Variants in MAP2K5 observed in about 807,000 individuals in gnomAD.
MAP2K5 encodes mitogen-activated protein kinase kinase 5.
Under a neutral mutation model 83.1 loss-of-function variants are expected in MAP2K5, and 49 were observed. The ratio of observed to expected loss-of-function variants is 0.59; its 90% confidence interval spans 0.47 to 0.75. MAP2K5 has a LOEUF of 0.75. Among genes scored for constraint, MAP2K5 ranks in the 30% least tolerant of loss-of-function variants. MAP2K5 has a pLI of 0.00. For missense variants in MAP2K5, 457 were observed against 557.5 expected (o/e 0.82, Z 1.82); for synonymous variants, 202 against 191.8 (o/e 1.05, Z -0.44).
Position 67,782,512 on chromosome 15 carries a change from G to A in MAP2K5, c.1242+9760G>A, listed in dbSNP as rs1469437691. 1.3e-5 allele frequency among the ~76,000 whole-genome samples: 2 copies of A among 151,830 alleles called. No individual in the cohort carries two copies. The highest frequency in any genetic ancestry group is 3.2e-3 in the Middle Eastern group (1 of 316). ...GATTTTAGTTAATTTTTTTTTCAGCGCCTCACAGTAGGCGCCTCTCTTCTC... is the reference window on the plus strand; with the variant it reads ...GATTTTAGTTAATTTTTTTTTCAGCACCTCACAGTAGGCGCCTCTCTTCTC... On this transcript the variant is annotated intron_variant, in intron 21 of 21. Transcript: ENST00000178640. This position sits in a 1 kb window ranked among gnomAD's most constrained non-coding sequence, Gnocchi z 4.9.
At position 67,779,101 on chromosome 15, in the gene MAP2K5, A is replaced by G. The variant is rs1000779222; in HGVS notation, c.1242+6349A>G. Among the ~76,000 whole-genome samples the G allele has an allele frequency of 1.3e-5, 2 of 152,236 alleles. No individual in the cohort carries two copies. The highest frequency in any genetic ancestry group is 2.4e-5 in the African/African-American group (1 of 41,462). ...ATTAGCTATGCCGCCCAGAATTTGC[A>G]GTGAGAAATACTGGCTGGGATTGTA... is the stretch of plus-strand genomic sequence containing the variant. On this transcript the variant is annotated intron_variant, in intron 21 of 21. Coordinates refer to ENST00000178640, the MANE Select transcript of MAP2K5 (RefSeq NM_145160.3). This position sits in a 1 kb window ranked among gnomAD's most constrained non-coding sequence, Gnocchi z 4.6.
At chr15:67,626,533 GCAAA>G (rs2086328346) in intron 8 of MAP2K5, among the ~76,000 whole-genome samples, 1 of 152,140 alleles carries the variant, frequency 6.6e-6, no homozygotes, top group East Asian at 1.9e-4. Flanking sequence ...TCTTAAACAA[GCAAA>G]CAAACAAAAA....
chr15:67,632,371 A>C (rs916579867), intron 9 of MAP2K5, among the ~76,000 whole-genome samples: 1 of 152,180 alleles, frequency 6.6e-6, no homozygotes, highest in Non-Finnish European at 1.5e-5. Context: ...AAGTCCTGGG[A>C]TTATAGGCAT....
rs1414752615 is a variant in MAP2K5, at chr15:67,585,871, T to C, written c.323-19T>C. Reference sequence around the variant, plus strand: ...AATGGCCCTGATGTGTTCTACAATTTAGTCAATTACTGTTTCAGCCTGCAA... The same window carrying C: ...AATGGCCCTGATGTGTTCTACAATTCAGTCAATTACTGTTTCAGCCTGCAA... On this transcript the variant is annotated intron_variant, in intron 4 of 21. Coordinates refer to ENST00000178640, the MANE Select transcript of MAP2K5 (RefSeq NM_145160.3). 1.2e-6 allele frequency: 2 copies of C among 1,612,122 alleles called. No homozygotes were observed. Among genetic ancestry groups the C allele is most frequent in the South Asian group, 2.2e-5 (2 of 91,020 alleles).
chr15:67,783,299 G>A lies in MAP2K5; in HGVS notation c.1242+10547G>A, dbSNP rs547918381. Among the ~76,000 whole-genome samples, 9 of 152,198 alleles carry A rather than the reference G, an allele frequency of 5.9e-5. No homozygotes were observed. In the South Asian group the frequency reaches 1.5e-3, roughly 25 times the overall value. On this transcript the variant is annotated intron_variant, in intron 21 of 21. Coordinates refer to ENST00000178640, the MANE Select transcript of MAP2K5 (RefSeq NM_145160.3). The surrounding 1 kb of genome is among the most constrained non-coding windows in gnomAD (Gnocchi z 5.1). ...AATGTGAGAATTGCCAGAGACCCCC[G>A]CTCACCTTCTCCTCCCACCCTCACC...
At chr15:67,772,598 G>A in intron 20 of MAP2K5, 109 bp from the exon 21 acceptor site, 1 of 631,102 alleles carries the variant, frequency 1.6e-6, no homozygotes, top group Non-Finnish European at 2.6e-6. Flanking sequence ...TGAACATGAT[G>A]TATTTTGAAA....
At chr15:67,784,671 T>C (rs2090386580) in intron 21 of MAP2K5, among the ~76,000 whole-genome samples, 1 of 152,226 alleles carries the variant, frequency 6.6e-6, no homozygotes. Context: ...GTTGGTTATC[T>C]GAGGGGAAGC....
Position 67,720,098 on chromosome 15 carries a change from A to G in MAP2K5, c.1045-7818A>G, listed in dbSNP as rs113007427. On this transcript the variant is annotated intron_variant, in intron 16 of 21. Transcript: ENST00000178640. The surrounding 1 kb of genome is among the most constrained non-coding windows in gnomAD (Gnocchi z 5.7). ...AATTGAGGGTTTTTTCCCCTTTTTT[A>G]TTTATCAATTAGCTGCCTTATACTT... Among the ~76,000 whole-genome samples, 511 of 152,216 alleles carry G rather than the reference A, an allele frequency of 3.4e-3. 3 individuals carry two copies. The highest frequency in any genetic ancestry group is 0.012 in the African/African-American group (488 of 41,548).
intron 8 of MAP2K5, among the ~76,000 whole-genome samples, chr15:67,625,179 G>A (rs944572490): frequency 6.6e-6 from 1 of 152,182 alleles, no homozygotes; most frequent in South Asian, 2.1e-4. Flanking sequence ...ATAACCTATT[G>A]TTACAAATGA....
intron 13 of MAP2K5, among the ~76,000 whole-genome samples, chr15:67,681,462 A>G (rs997863777): frequency 9.2e-5 from 14 of 152,234 alleles, no homozygotes; most frequent in African/African-American, 3.4e-4. Flanking sequence ...CTTTAAGGGA[A>G]TCTGACCCAC....
chr15:67,706,270 G>A (rs1481087017), intron 16 of MAP2K5, among the ~76,000 whole-genome samples: 2 of 152,198 alleles, frequency 1.3e-5, no homozygotes, highest in East Asian at 3.8e-4. Flanking sequence ...ATATATTTGG[G>A]TTCTGTTGAT....
intron 19 of MAP2K5, among the ~76,000 whole-genome samples, chr15:67,751,624 A>G (rs1376660813): frequency 6.6e-6 from 1 of 152,234 alleles, no homozygotes; most frequent in Non-Finnish European, 1.5e-5. Flanking sequence ...AGAAATTTGC[A>G]TTTTTAGAAA....
chr15:67,572,788 T>G lies in MAP2K5; in HGVS notation c.253-7966T>G, dbSNP rs911544255. ...GATCTTGGCTCACTGCAAACTCACC[T>G]CTCGGGTTCAAGTGATTCTCCTGCC... On this transcript the variant is annotated intron_variant, in intron 3 of 21. Coordinates refer to ENST00000178640, the MANE Select transcript of MAP2K5 (RefSeq NM_145160.3). This position sits in a 1 kb window ranked among gnomAD's most constrained non-coding sequence, Gnocchi z 4.2. Among the ~76,000 whole-genome samples the G allele has an allele frequency of 6.6e-6, 1 of 151,972 alleles. No individual in the cohort carries two copies. Among genetic ancestry groups the G allele is most frequent in the Admixed American group, 6.6e-5 (1 of 15,250 alleles).
At chr15:67,546,656 G>C in intron 1 of MAP2K5, 2 of 981,018 alleles carry the variant, frequency 2.0e-6, no homozygotes, top group Non-Finnish European at 2.4e-6. Context: ...TGAGTTCCTA[G>C]TTTTGGGAAA....
intron 8 of MAP2K5, among the ~76,000 whole-genome samples, chr15:67,612,395 C>A (rs2085946160): frequency 6.6e-6 from 1 of 152,092 alleles, no homozygotes; most frequent in Admixed American, 6.6e-5. Flanking sequence ...TGTAACTCAA[C>A]AAAGGTATCT....
intron 19 of MAP2K5, among the ~76,000 whole-genome samples, chr15:67,752,185 C>T (rs932222692): frequency 6.6e-6 from 1 of 152,004 alleles, no homozygotes; most frequent in Non-Finnish European, 1.5e-5. Context: ...CCTGTCCCAG[C>T]CTCCCGAGTA....
intron 9 of MAP2K5, among the ~76,000 whole-genome samples, chr15:67,645,033 A>G (rs1464214646): frequency 6.6e-6 from 1 of 152,016 alleles, no homozygotes; most frequent in East Asian, 1.9e-4. Flanking sequence ...CTGTAATCCC[A>G]GCTACTCAGG....
intron 13 of MAP2K5, among the ~76,000 whole-genome samples, chr15:67,672,232 C>T (rs1286865260): frequency 6.6e-5 from 10 of 150,596 alleles, no homozygotes; most frequent in Middle Eastern, 3.4e-3. Context: ...CCTGAGGAAT[C>T]GCCACACTGA....
At chr15:67,727,634 T>C (rs1028527838) in intron 16 of MAP2K5, among the ~76,000 whole-genome samples, 6 of 152,204 alleles carry the variant, frequency 3.9e-5, no homozygotes, top group East Asian at 3.8e-4. Flanking sequence ...ATGTGAATAA[T>C]GCCCATATAG....
Sources: allele counts gnomAD v4.1 joint callset (sites outside exome capture counted in the v4.1 genomes callset), GRCh38; gene constraint gnomAD v4.1.1; non-coding constraint Gnocchi (gnomAD v3.1); transcripts MANE v1.5; gene names NCBI Gene and HGNC (gene_info 2026-07-23, HGNC 2026-07-21).